PSMC3: variants seen among roughly 807,000 people sequenced by gnomAD.
PSMC3 encodes the protein proteasome 26S subunit, ATPase 3.
Under a neutral mutation model 52.0 loss-of-function variants are expected in PSMC3, and 11 were observed. That is an observed-to-expected ratio of 0.21 (90% CI 0.13 to 0.35). The LOEUF is 0.35. PSMC3 is among the 10% of genes least tolerant of loss of function. The pLI is 1.00. For synonymous variants in PSMC3, 201 were observed against 218.8 expected (o/e 0.92, Z 0.72); for missense variants, 238 against 567.1 (o/e 0.42, Z 5.89).
In PSMC3 at chr11:47,424,435, G is replaced by C; in HGVS notation, c.447C>G (p.Asp149Glu). 6.2e-7 allele frequency: 1 copy of C among 1,614,164 alleles called. No homozygotes were observed. The highest frequency in any genetic ancestry group is 1.3e-5 in the African/African-American group (1 of 75,060). The part of the protein sequence containing the change: ...LVDAEKLKPG[D>E]LVGVNKDSYL... ...GGGCTCAGGCCCCACTCACCACCAG[G>C]TCTCCTGGCTTTAGCTTTTCAGCAT... The change falls in exon 5 of 12, where the codon GAC becomes GAG. Residue 149 changes from aspartate to glutamate, a missense_variant. Around this residue, in one of 6 missense-constraint regions of PSMC3, gnomAD observed 60 missense variants for 117.3 expected, o/e 0.51. Coordinates refer to ENST00000298852, the MANE Select transcript of PSMC3 (RefSeq NM_002804.5). This position sits in a 1 kb window ranked among gnomAD's most constrained non-coding sequence, Gnocchi z 4.8.
intron 1 of PSMC3, 25 bp downstream of exon 1, chr11:47,426,180 G>A (rs2096046224): frequency 6.4e-7 from 1 of 1,551,844 alleles, no homozygotes; most frequent in Non-Finnish European, 8.7e-7. Context: ...CCGGTTCCCG[G>A]ACCGCCAGCT....
At position 47,422,218 on chromosome 11, in the gene PSMC3, A is replaced by G. The variant is rs2096041435; in HGVS notation, c.884+356T>C. Among the ~76,000 whole-genome samples, 1 of 150,920 alleles carries G rather than the reference A, an allele frequency of 6.6e-6. No homozygotes were observed. The highest frequency in any genetic ancestry group is 1.5e-5 in the Non-Finnish European group (1 of 67,734). On this transcript the variant is annotated intron_variant, in intron 8 of 11. Coordinates refer to ENST00000298852, the MANE Select transcript of PSMC3 (RefSeq NM_002804.5). The surrounding 1 kb of genome is among the most constrained non-coding windows in gnomAD (Gnocchi z 4.3). ...CTACCACGCCCAGCTAATTTTTTGT[A>G]TTTTTAGTAGAGACAGGGTTTCACC...
In PSMC3 at chr11:47,420,049, G is replaced by A. The variant is rs113132526; in HGVS notation, c.1127+215C>T. On this transcript the variant is annotated intron_variant, in intron 10 of 11. Coordinates refer to ENST00000298852, the MANE Select transcript of PSMC3 (RefSeq NM_002804.5). ...TCAGATGAGGGGTGGAGTCTAAGGAGCAGAGCACCCAGAATTACGACATGG... is the reference window on the plus strand; with the variant it reads ...TCAGATGAGGGGTGGAGTCTAAGGAACAGAGCACCCAGAATTACGACATGG... Among the ~76,000 whole-genome samples, 678 of 152,226 alleles carry A rather than the reference G, an allele frequency of 4.5e-3. 1 individual carries two copies. The highest frequency in any genetic ancestry group is 0.016 in the African/African-American group (662 of 41,532).
chr11:47,421,311 T>C (rs1258015299), intron 8 of PSMC3, among the ~76,000 whole-genome samples: 2 of 143,228 alleles, frequency 1.4e-5, no homozygotes, highest in Non-Finnish European at 3.0e-5. Context: ...TTAACTGTGA[T>C]GAATGTACAC....
chr11:47,426,101 C>T, intron 1 of PSMC3, 104 bp downstream of exon 1: 1 of 1,439,626 alleles, frequency 6.9e-7, no homozygotes, highest in Admixed American at 2.0e-5. Context: ...ACCCCGTCCC[C>T]GGGATCGGGC....
rs1297264196 is a variant in PSMC3, at chr11:47,426,252, G to A, written c.28C>T (p.Pro10Ser). Residue 10 changes from proline to serine, a missense_variant, in exon 1 of 12, where the codon CCA becomes TCA. Around this residue, in one of 6 missense-constraint regions of PSMC3, gnomAD observed 48 missense variants for 63.4 expected, o/e 0.76. Coordinates refer to ENST00000298852, the MANE Select transcript of PSMC3 (RefSeq NM_002804.5). MNLLPNIESPVTRQEKMATV... is the reference protein window; with the variant it reads MNLLPNIESSVTRQEKMATV... ...GCCATCTTCTCCTGCCGAGTCACTGGACTCTCAATATTCGGCAGCAGATTC... is the reference window on the plus strand; with the variant it reads ...GCCATCTTCTCCTGCCGAGTCACTGAACTCTCAATATTCGGCAGCAGATTC... 2 of 1,557,920 alleles carry A rather than the reference G, an allele frequency of 1.3e-6. No individual in the cohort carries two copies. Among genetic ancestry groups the A allele is most frequent in the Non-Finnish European group, 8.7e-7 (1 of 1,150,952 alleles).
rs1386258414 is a variant in PSMC3 at position 47,422,855 on chromosome 11, G to GC, written c.709dup (p.Ala237GlyfsTer9). 6.2e-7 allele frequency: 1 copy of GC among 1,612,520 alleles called. No individual in the cohort carries two copies. Among genetic ancestry groups the GC allele is most frequent in the Non-Finnish European group, 8.5e-7 (1 of 1,179,154 alleles). The stretch of plus-strand genomic sequence containing the variant: ...CTTAGTCTGTGCGGCACAGGCCCGG[G>GC]CCAGGAGGGTCTTCCCCGTCCCTGG... On this transcript the variant is annotated frameshift_variant, in exon 7 of 12. Transcript: ENST00000298852. LOFTEE classifies it high-confidence loss of function. This position sits in a 1 kb window ranked among gnomAD's most constrained non-coding sequence, Gnocchi z 4.3.
chr11:47,422,465 G>T lies in PSMC3; in HGVS notation c.884+109C>A. ...AGAGTTGAGGAGCCACCATCCAGGG[G>T]CAGGAGGGGATACAGGGTGGGAAGG... On this transcript the variant is annotated intron_variant, in intron 8 of 11. Coordinates refer to ENST00000298852, the MANE Select transcript of PSMC3 (RefSeq NM_002804.5). This position sits in a 1 kb window ranked among gnomAD's most constrained non-coding sequence, Gnocchi z 4.3. The T allele has an allele frequency of 7.4e-7, 1 of 1,342,450 alleles. No individual in the cohort carries two copies. The highest frequency in any genetic ancestry group is 1.0e-6 in the Non-Finnish European group (1 of 969,410). The allele number at this position is 1,342,450 out of a possible 1,614,324, so 83.2% of individuals were successfully genotyped here.
chr11:47,426,121 A>C (rs1595893156), intron 1 of PSMC3, 84 bp downstream of exon 1: 1 of 1,480,800 alleles, frequency 6.8e-7, no homozygotes, highest in African/African-American at 1.4e-5. Flanking sequence ...CCAGACCTTG[A>C]CCCCCAGCCA....
In PSMC3 at chr11:47,426,405, G is replaced by A; in HGVS notation, c.-126C>T. 1 of 794,466 alleles carries A rather than the reference G, an allele frequency of 1.3e-6. No individual in the cohort carries two copies. Among genetic ancestry groups the A allele is most frequent in the Non-Finnish European group, 1.9e-6 (1 of 527,700 alleles). 49.2% of individuals were successfully genotyped at this position (794,466 alleles called of 1,614,324 possible). A position where few individuals can be genotyped will look rare whatever the true frequency, so the allele number is the denominator to read the frequency against. On this transcript the variant is annotated 5_prime_UTR_variant, in exon 1 of 12. Coordinates refer to ENST00000298852, the MANE Select transcript of PSMC3 (RefSeq NM_002804.5). ...CCCCACAAATCCCGACTCTTGACCC[G>A]ACCAGCTCCGGCCGTGCTGCGGAGC...
In PSMC3 at chr11:47,420,865, G is replaced by T; in HGVS notation, c.885-138C>A. The T allele has an allele frequency of 4.6e-6, 3 of 655,290 alleles. 1 individual carries two copies. Among genetic ancestry groups the T allele is most frequent in the South Asian group, 3.5e-5 (2 of 56,552 alleles). The allele number at this position is 655,290 out of a possible 1,614,324, so 40.6% of individuals were successfully genotyped here. ...CTCAACTTGGGGCCCCCAGCCCAGG[G>T]ACTGGCACATAAAAAGTGTCATTAA... On this transcript the variant is annotated intron_variant, in intron 8 of 11. Coordinates refer to ENST00000298852, the MANE Select transcript of PSMC3 (RefSeq NM_002804.5).
chr11:47,419,040 G>A lies in PSMC3; in HGVS notation c.1209+76C>T, dbSNP rs370890022. 3.1e-6 allele frequency: 5 copies of A among 1,607,188 alleles called. 1 individual carries two copies. Among genetic ancestry groups the A allele is most frequent in the Middle Eastern group, 3.3e-4 (2 of 6,044 alleles). ...CCTCTTCCCTCAGCCGTCTCCACCA[G>A]CCAAATGCCCCCATCCTGTCCAGGG... On this transcript the variant is annotated intron_variant, in intron 11 of 11. Coordinates refer to ENST00000298852, the MANE Select transcript of PSMC3 (RefSeq NM_002804.5).
chr11:47,419,964 C>A (rs957097415), intron 10 of PSMC3, among the ~76,000 whole-genome samples: 15 of 151,968 alleles, frequency 9.9e-5, no homozygotes, highest in Non-Finnish European at 1.6e-4. Context: ...CCATTCCTGG[C>A]GTGTGTTAAT....
intron 2 of PSMC3, chr11:47,425,559 G>C (rs1168300917): frequency 1.9e-6 from 1 of 539,194 alleles, no homozygotes; most frequent in Non-Finnish European, 3.3e-6. Context: ...AACCTCTCTG[G>C]GCCTGTCTCC....
chr11:47,421,773 C>T (rs529515076), intron 8 of PSMC3, among the ~76,000 whole-genome samples: 6 of 152,142 alleles, frequency 3.9e-5, no homozygotes, highest in African/African-American at 1.4e-4. Context: ...CTGCCTCAGC[C>T]TCCCAAGTAG....
chr11:47,424,246 T>C lies in PSMC3; in HGVS notation c.454-63A>G. ...CTCAAGGGCTACCCAACTGACTGGG[T>C]GACAGGTGTCTGCAGAGGGAAAGAC... On this transcript the variant is annotated intron_variant, in intron 5 of 11. Transcript: ENST00000298852. The surrounding 1 kb of genome is among the most constrained non-coding windows in gnomAD (Gnocchi z 4.8). 6.2e-7 allele frequency: 1 copy of C among 1,609,960 alleles called. No individual in the cohort carries two copies. The highest frequency in any genetic ancestry group is 8.5e-7 in the Non-Finnish European group (1 of 1,176,336).
At position 47,419,587 on chromosome 11, in the gene PSMC3, T is replaced by C. The variant is rs3781629; in HGVS notation, c.1128-390A>G. 3.0e-3 allele frequency among the ~76,000 whole-genome samples: 459 copies of C among 152,114 alleles called. 5 individuals are homozygous for C. In the East Asian group the frequency reaches 0.036, roughly 12 times the overall value. On this transcript the variant is annotated intron_variant, in intron 10 of 11. Transcript: ENST00000298852. ...AGAAAAGTGAGGCTGAGGCCGGGCG[T>C]GGTGGCTCATACCTATAATCCCAGC...
chr11:47,425,878 T>C lies in PSMC3; in HGVS notation c.148A>G (p.Ser50Gly). ...AGCTGTGCGCCCACCTTGATCTCAC[T>C]GTCCAGCAGCCGTGTGCGCTGGATG... Reference protein sequence around the residue: ...EIIQRTRLLDSEIKIMKSEVL... With the variant: ...EIIQRTRLLDGEIKIMKSEVL... Residue 50 changes from serine to glycine, a missense_variant, in exon 2 of 12, where the codon AGT (serine) becomes GGT (glycine). This residue lies in a region of PSMC3 where 48 missense variants were observed against 63.4 expected (regional missense o/e 0.76). Coordinates refer to ENST00000298852, the MANE Select transcript of PSMC3 (RefSeq NM_002804.5). 6.2e-7 allele frequency: 1 copy of C among 1,613,738 alleles called. No individual in the cohort carries two copies. The highest frequency in any genetic ancestry group is 8.5e-7 in the Non-Finnish European group (1 of 1,179,670).
Position 47,419,238 on chromosome 11 carries a change from G to A in PSMC3, c.1128-41C>T, listed in dbSNP as rs761975398. 4.2e-5 allele frequency: 67 copies of A among 1,606,216 alleles called. 1 individual carries two copies. The South Asian group carries it at 5.5e-4, about 13-fold the overall frequency. On this transcript the variant is annotated intron_variant, in intron 10 of 11. Transcript: ENST00000298852. Reference sequence around the variant, plus strand: ...ATACCACAGGCTCAGTGGCTTATGCGGAATGGGCAGAGGGGCCAAATATCC... The same window carrying A: ...ATACCACAGGCTCAGTGGCTTATGCAGAATGGGCAGAGGGGCCAAATATCC...
Sources: allele counts gnomAD v4.1 joint callset (sites outside exome capture counted in the v4.1 genomes callset), GRCh38; gene constraint gnomAD v4.1.1; regional missense constraint gnomAD v4.1.1; non-coding constraint Gnocchi (gnomAD v3.1); transcripts MANE v1.5; gene names NCBI Gene and HGNC (gene_info 2026-07-23, HGNC 2026-07-21).